Variants in NFS1 observed in about 807,000 individuals in gnomAD.
NFS1 encodes NFS1 cysteine desulfurase.
NFS1 carries 26 observed loss-of-function variants against 57.3 expected under a neutral mutation model. The observed-to-expected ratio is 0.45, with a 90% CI of 0.33 to 0.63. The LOEUF (loss-of-function observed/expected upper bound fraction) is 0.63. Among genes scored for constraint, NFS1 ranks in the 20% least tolerant of loss-of-function variants. The pLI, the probability that NFS1 is intolerant of heterozygous loss-of-function variation, is 0.02. For synonymous variants in NFS1, 209 were observed against 216.3 expected (o/e 0.97, Z 0.30); for missense variants, 505 against 605.8 (o/e 0.83, Z 1.75).
intron 12 of NFS1, among the ~76,000 whole-genome samples, chr20:35,671,205 G>A (rs1601515050): frequency 6.6e-6 from 1 of 152,168 alleles, no homozygotes; most frequent in Admixed American, 6.5e-5. Context: ...CTGGGTTCAC[G>A]CCATTCTCCT....
intron 2 of NFS1, among the ~76,000 whole-genome samples, 182 bp from the exon 3 acceptor site, chr20:35,697,982 C>A (rs992661557): frequency 2.6e-5 from 4 of 152,174 alleles, no homozygotes; most frequent in African/African-American, 9.7e-5. Context: ...CTAATACACT[C>A]CCACTCACAA....
rs1182464539 is a variant in NFS1, at chr20:35,699,324, G to A, written c.-36C>T. Reference sequence around the variant, plus strand: ...GCAGAGCCCACCTTCCGAAGCCGCTGCAGTCCTGGGCCCCAGGCTCCCGGA... The same window carrying A: ...GCAGAGCCCACCTTCCGAAGCCGCTACAGTCCTGGGCCCCAGGCTCCCGGA... On this transcript the variant is annotated 5_prime_UTR_variant, in exon 1 of 13. Transcript: ENST00000374092. The surrounding 1 kb of genome is among the most constrained non-coding windows in gnomAD (Gnocchi z 4.4). The A allele has an allele frequency of 7.9e-6, 11 of 1,392,366 alleles. No individual in the cohort carries two copies. Among genetic ancestry groups the A allele is most frequent in the South Asian group, 7.7e-5 (5 of 64,780 alleles). 86.3% of individuals were successfully genotyped at this position (1,392,366 alleles called of 1,614,324 possible). A position where few individuals can be genotyped will look rare whatever the true frequency, so the allele number is the denominator to read the frequency against.
At chr20:35,688,416 G>A (rs974854211) in intron 5 of NFS1, among the ~76,000 whole-genome samples, 3 of 152,076 alleles carry the variant, frequency 2.0e-5, no homozygotes, top group Admixed American at 2.0e-4. Flanking sequence ...AATTATCTGG[G>A]TGTGGTGGTG....
intron 4 of NFS1, 99 bp from the exon 5 acceptor site, chr20:35,690,664 C>T: frequency 8.7e-7 from 1 of 1,149,196 alleles, no homozygotes; most frequent in Non-Finnish European, 1.3e-6. Flanking sequence ...GAACAGTATG[C>T]TCCAACACCA....
chr20:35,690,859 C>T (rs758292782), intron 4 of NFS1, among the ~76,000 whole-genome samples: 14 of 152,186 alleles, frequency 9.2e-5, no homozygotes, highest in Non-Finnish European at 1.9e-4. Flanking sequence ...TTCAGGGCTT[C>T]CCGAAGCCCG....
rs538750285 is a variant in NFS1 at position 35,674,990 on chromosome 20, A to G, written c.948+55T>C. ...CTCAGTCATGCTGAGAAGCCTCTAA[A>G]TAGGAGACCCAGCACAGGGGAAGAA... On this transcript the variant is annotated intron_variant, in intron 8 of 12. Transcript: ENST00000374092. The G allele has an allele frequency of 5.7e-5, 92 of 1,609,884 alleles. No individual in the cohort carries two copies. The African/African-American group carries it at 1.1e-3, about 19-fold the overall frequency.
At chr20:35,685,923 GAATT>G (rs2034933294) in intron 5 of NFS1, among the ~76,000 whole-genome samples, 1 of 147,886 alleles carries the variant, frequency 6.8e-6, no homozygotes, top group African/African-American at 2.5e-5. Flanking sequence ...ATTTCAAAAT[GAATT>G]CTTTCTTTAT....
At chr20:35,669,726 T>G (rs779839158) in intron 12 of NFS1, 41 bp from the exon 13 acceptor site, 6 of 1,587,782 alleles carry the variant, frequency 3.8e-6, no homozygotes, top group Non-Finnish European at 5.2e-6. Context: ...AGGGCTTAGA[T>G]AGGAAGTCGA....
chr20:35,684,376 C>G (rs1214626214), intron 5 of NFS1, among the ~76,000 whole-genome samples: 2 of 149,474 alleles, frequency 1.3e-5, no homozygotes, highest in Non-Finnish European at 2.9e-5. Flanking sequence ...CCACTGCACT[C>G]CAGCCTGGGA....
intron 5 of NFS1, among the ~76,000 whole-genome samples, chr20:35,687,401 G>GTCTC (rs571961732): frequency 1.3e-5 from 2 of 151,358 alleles, no homozygotes; most frequent in African/African-American, 4.9e-5. Flanking sequence ...GGCGTAAGCT[G>GTCTC]TCTCTCTCTC....
At chr20:35,687,303 T>C (rs2034962725) in intron 5 of NFS1, among the ~76,000 whole-genome samples, 1 of 152,242 alleles carries the variant, frequency 6.6e-6, no homozygotes, top group South Asian at 2.1e-4. Context: ...TCTGTCTTCA[T>C]GTTCCATCCT....
intron 4 of NFS1, among the ~76,000 whole-genome samples, chr20:35,691,061 C>T (rs1179544107): frequency 6.6e-6 from 1 of 152,086 alleles, no homozygotes; most frequent in Non-Finnish European, 1.5e-5. Flanking sequence ...TACCTGGGGG[C>T]AGGGCATATA....
chr20:35,674,559 CTCT>C lies in NFS1; in HGVS notation c.1004_1006del (p.Lys335del). 6.2e-7 allele frequency: 1 copy of C among 1,614,224 alleles called. No homozygotes were observed. Among genetic ancestry groups the C allele is most frequent in the Non-Finnish European group, 8.5e-7 (1 of 1,180,042 alleles). On this transcript the variant is annotated inframe_deletion, in exon 9 of 13. Transcript: ENST00000374092. ...CCCATTCATCACCACATCTGGAAGG[CTCT>C]TCATTATATTCTGTATCAGCCGCTC...
At chr20:35,676,758 G>GAAAAAAAAAAAAAAAAAAAAAAAAAA (rs746820595) in intron 7 of NFS1, among the ~76,000 whole-genome samples, 1 of 18,136 alleles carries the variant, frequency 5.5e-5, no homozygotes. Flanking sequence ...GAGAAAATCA[G>GAAAAAAAAAAAAAAAAAAAAAAAAAA]AAAAAAAAAA....
At chr20:35,673,550 G>C in intron 11 of NFS1, 51 bp downstream of exon 11, 1 of 1,505,812 alleles carries the variant, frequency 6.6e-7, no homozygotes, top group Admixed American at 1.8e-5. Flanking sequence ...AACAGGAGAT[G>C]AAAAATATAA....
intron 4 of NFS1, among the ~76,000 whole-genome samples, chr20:35,691,782 G>A (rs2035044925): frequency 6.7e-6 from 1 of 149,590 alleles, no homozygotes; most frequent in Non-Finnish European, 1.5e-5. Context: ...CAGGTGCAGT[G>A]GCTCATGCCT....
chr20:35,688,878 A>G (rs1237205394), intron 5 of NFS1, among the ~76,000 whole-genome samples: 2 of 152,184 alleles, frequency 1.3e-5, no homozygotes, highest in Non-Finnish European at 2.9e-5. Context: ...GGCCATAGAT[A>G]TAAATGTTAC....
At position 35,686,553 on chromosome 20, in the gene NFS1, C is replaced by T. The variant is rs1375858022; in HGVS notation, c.561+3860G>A. 2.6e-5 allele frequency among the ~76,000 whole-genome samples: 4 copies of T among 151,980 alleles called. No homozygotes were observed. In the East Asian group the frequency reaches 7.7e-4, roughly 29 times the overall value. Reference sequence around the variant, plus strand: ...AGAAATTTCTAAGTGCTTAAAAAGGCACCATGTAAAGAACTCTGAATATCA... The same window carrying T: ...AGAAATTTCTAAGTGCTTAAAAAGGTACCATGTAAAGAACTCTGAATATCA... On this transcript the variant is annotated intron_variant, in intron 5 of 12. Transcript: ENST00000374092.
rs2035202807 is a variant in NFS1, at chr20:35,699,292, C to T, written c.-4G>A. ...TCCAAGCGGCTCGGAGCAGCATGGT[C>T]CCGCTGGCAGAGCCCACCTTCCGAA... On this transcript the variant is annotated 5_prime_UTR_variant, in exon 1 of 13. Coordinates refer to ENST00000374092, the MANE Select transcript of NFS1 (RefSeq NM_021100.5). The surrounding 1 kb of genome is among the most constrained non-coding windows in gnomAD (Gnocchi z 4.4). The T allele has an allele frequency of 7.1e-7, 1 of 1,404,460 alleles. No homozygotes were observed. Among genetic ancestry groups the T allele is most frequent in the Non-Finnish European group, 9.2e-7 (1 of 1,087,424 alleles). The allele number at this position is 1,404,460 out of a possible 1,614,324, so 87.0% of individuals were successfully genotyped here.
Sources: gnomAD v4.1 joint callset for allele counts (sites outside exome capture counted in the v4.1 genomes callset) on GRCh38, gnomAD v4.1.1 for gene constraint, Gnocchi (gnomAD v3.1) non-coding constraint, MANE v1.5 for transcripts, NCBI Gene and HGNC (gene_info 2026-07-23, HGNC 2026-07-21) for gene names.